The following LRRC17 variants were observed in gnomAD, a reference collection of about 807,000 sequenced individuals.
LRRC17 encodes the protein leucine rich repeat containing 17, also known as leucine-rich repeat-containing protein 17.
Under a neutral mutation model 41.5 loss-of-function variants are expected in LRRC17, and 33 were observed. The ratio of observed to expected loss-of-function variants is 0.80; its 90% confidence interval spans 0.60 to 1.06. The LOEUF is 1.06. Among genes scored for constraint, LRRC17 ranks in the 50% least tolerant of loss-of-function variants. The probability of loss-of-function intolerance (pLI) is 0.00; values close to 1 mark genes in which losing one functional copy is unlikely to be tolerated. For missense variants in LRRC17, 491 were observed against 519.3 expected, an observed-to-expected ratio of 0.95 and a Z score of 0.53; for synonymous variants, 192 against 197.0, an observed-to-expected ratio of 0.97 and a Z score of 0.21.
At chr7:102,920,975 A>G (rs1429479825) in intron 1 of LRRC17, among the ~76,000 whole-genome samples, 1 of 151,978 alleles carries the variant, frequency 6.6e-6, no homozygotes, top group East Asian at 1.9e-4. Context: ...AACATGATGA[A>G]ACCCTGTCGC....
chr7:102,941,367 C>A (rs1221531293), intron 3 of LRRC17, among the ~76,000 whole-genome samples: 2 of 152,086 alleles, frequency 1.3e-5, no homozygotes, highest in Non-Finnish European at 2.9e-5. Flanking sequence ...CTCACTTCGA[C>A]CCCCTATGAT....
At chr7:102,940,784 G>A (rs1339789877) in intron 3 of LRRC17, among the ~76,000 whole-genome samples, 1 of 152,188 alleles carries the variant, frequency 6.6e-6, no homozygotes, top group Non-Finnish European at 1.5e-5. Context: ...GATTTGGAAA[G>A]AACTGAGAAT....
rs745668314 is a variant in LRRC17 at position 102,944,545 on chromosome 7, G to GA, written c.1272dup (p.His425ThrfsTer2). 20 of 1,608,904 alleles carry GA rather than the reference G, an allele frequency of 1.2e-5. No individual in the cohort carries two copies. Among genetic ancestry groups the GA allele is most frequent in the Middle Eastern group, 3.3e-4 (2 of 6,048 alleles). ...CCAAGACACAGAAGATGATGAATGG[G>GA]AAAAAAAACATAGAGATCACACCGC... On this transcript the variant is annotated frameshift_variant, in exon 4 of 4. Transcript: ENST00000339431. LOFTEE classifies it high-confidence loss of function.
chr7:102,940,994 T>C (rs1821317893), intron 3 of LRRC17, among the ~76,000 whole-genome samples: 1 of 152,230 alleles, frequency 6.6e-6, no homozygotes, highest in Non-Finnish European at 1.5e-5. Context: ...CATTAGAATT[T>C]TAACACAATA....
At chr7:102,919,344 C>T (rs1350345257) in intron 1 of LRRC17, among the ~76,000 whole-genome samples, 6 of 152,066 alleles carry the variant, frequency 3.9e-5, no homozygotes, top group Admixed American at 3.9e-4. Flanking sequence ...AAAGAGACAA[C>T]TTTGAAGGAC....
chr7:102,919,423 A>G (rs1292569078), intron 1 of LRRC17, among the ~76,000 whole-genome samples: 1 of 152,258 alleles, frequency 6.6e-6, no homozygotes, highest in Non-Finnish European at 1.5e-5. Context: ...GCATTGAAGC[A>G]TTAAGAATAA....
intron 1 of LRRC17, among the ~76,000 whole-genome samples, chr7:102,916,256 G>C (rs1398803866): frequency 1.3e-5 from 2 of 151,974 alleles, no homozygotes; most frequent in African/African-American, 4.8e-5. Flanking sequence ...CAAAGTGCTG[G>C]GATTATAGGC....
Position 102,944,825 on chromosome 7 carries a change from T to C in LRRC17, c.*218T>C, listed in dbSNP as rs4061. ...ATTTGTGGAACAGCATCTGGTGATA[T>C]GCAATTCCACACTGGTAACCTGCAG... On this transcript the variant is annotated 3_prime_UTR_variant, in exon 4 of 4. Coordinates refer to ENST00000339431, the MANE Select transcript of LRRC17 (RefSeq NM_001031692.3). 5,802 of 468,116 alleles carry C rather than the reference T, an allele frequency of 0.012. 48 individuals are homozygous for C. Among genetic ancestry groups the C allele is most frequent in the Middle Eastern group, 0.027 (50 of 1,854 alleles). 29.0% of individuals were successfully genotyped at this position (468,116 alleles called of 1,614,324 possible).
In LRRC17 at chr7:102,934,642, CA is replaced by C; in HGVS notation, c.731del (p.Asn244IlefsTer16). The C allele has an allele frequency of 1.0e-5, 16 of 1,606,110 alleles. No individual in the cohort carries two copies. The highest frequency in any genetic ancestry group is 1.4e-5 in the Non-Finnish European group (16 of 1,177,964). On this transcript the variant is annotated frameshift_variant, in exon 2 of 4. Coordinates refer to ENST00000339431, the MANE Select transcript of LRRC17 (RefSeq NM_001031692.3). LOFTEE classifies it high-confidence loss of function. ...KPEVDSTFCH[N>X]YVFPIQTLDC... ...CTGAGGTGGACTCAACTTTTTGCCACAATTATGTGTTTCCCATACAAACACT... is the reference window on the plus strand; with the variant it reads ...CTGAGGTGGACTCAACTTTTTGCCACATTATGTGTTTCCCATACAAACACT...
At position 102,934,634 on chromosome 7, in the gene LRRC17, T is replaced by C; in HGVS notation, c.721T>C (p.Phe241Leu). ...CATCAAGCCTGAGGTGGACTCAACTTTTTGCCACAATTATGTGTTTCCCAT... is the reference window on the plus strand; with the variant it reads ...CATCAAGCCTGAGGTGGACTCAACTCTTTGCCACAATTATGTGTTTCCCAT... The part of the protein sequence containing the change: ...PVIKPEVDST[F>L]CHNYVFPIQT... The change falls in exon 2 of 4, where the codon TTT (phenylalanine) becomes CTT (leucine). Residue 241 changes from phenylalanine to leucine, a missense_variant. Physicochemically the swap from Phe to Leu is conservative, Grantham distance 22. Transcript: ENST00000339431. 1.2e-6 allele frequency: 2 copies of C among 1,608,124 alleles called. No individual in the cohort carries two copies. The highest frequency in any genetic ancestry group is 1.7e-6 in the Non-Finnish European group (2 of 1,178,518).
intron 3 of LRRC17, among the ~76,000 whole-genome samples, chr7:102,940,775 AT>A (rs1269803589): frequency 3.9e-5 from 6 of 152,200 alleles, no homozygotes; most frequent in African/African-American, 1.4e-4. Context: ...AACACATCGG[AT>A]TTGGAAAGAA....
chr7:102,943,268 C>T (rs1046984072), intron 3 of LRRC17, among the ~76,000 whole-genome samples: 4 of 151,488 alleles, frequency 2.6e-5, no homozygotes, highest in Non-Finnish European at 4.4e-5. Flanking sequence ...CTGCACTTGT[C>T]TTACATGCGA....
chr7:102,927,918 T>C (rs948895815), intron 1 of LRRC17, among the ~76,000 whole-genome samples: 1 of 152,206 alleles, frequency 6.6e-6, no homozygotes, highest in African/African-American at 2.4e-5. Context: ...ATCAAAGTGA[T>C]TATACACTTG....
intron 1 of LRRC17, chr7:102,931,835 A>G: frequency 6.4e-7 from 1 of 1,568,316 alleles, no homozygotes; most frequent in South Asian, 1.1e-5. Flanking sequence ...CCAATGTAGC[A>G]AGTCAATCTA....
chr7:102,944,576 A>G lies in LRRC17; in HGVS notation c.1295A>G (p.Lys432Arg). Reference sequence around the variant, plus strand: ...AAACATAGAGATCACACCGCAAAGAAGCAAAGCGTAATAATTACTATAGTA... The same window carrying G: ...AAACATAGAGATCACACCGCAAAGAGGCAAAGCGTAATAATTACTATAGTA... ...EKKHRDHTAKKQSVIITIVG is the reference protein window; with the variant it reads ...EKKHRDHTAKRQSVIITIVG The change falls in exon 4 of 4, where the codon AAG becomes AGG. Residue 432 changes from lysine to arginine, a missense_variant. By Grantham distance (26) the Lys-to-Arg change is conservative. Transcript: ENST00000339431. 1.2e-6 allele frequency: 2 copies of G among 1,610,154 alleles called. No individual in the cohort carries two copies.
At chr7:102,917,829 T>C (rs1816203902) in intron 1 of LRRC17, among the ~76,000 whole-genome samples, 3 of 151,948 alleles carry the variant, frequency 2.0e-5, no homozygotes, top group Admixed American at 1.3e-4. Context: ...GTGCTGAGAG[T>C]GCCACCTAGG....
At chr7:102,915,060 T>C (rs1815561235) in intron 1 of LRRC17, among the ~76,000 whole-genome samples, 1 of 152,130 alleles carries the variant, frequency 6.6e-6, no homozygotes. Flanking sequence ...GCCCTGACAC[T>C]TACTGCAACC....
chr7:102,919,873 G>C (rs924137729), intron 1 of LRRC17, among the ~76,000 whole-genome samples: 3 of 152,096 alleles, frequency 2.0e-5, no homozygotes, highest in Non-Finnish European at 4.4e-5. Context: ...AAAGGCTAAA[G>C]AATAAGTAAG....
chr7:102,926,489 G>T, intron 1 of LRRC17: 1 of 729,206 alleles, frequency 1.4e-6, no homozygotes, highest in Non-Finnish European at 2.2e-6. Context: ...GTAAGAGTTG[G>T]TTTCTTCATA....
Sources: gnomAD v4.1 joint callset for allele counts (sites outside exome capture counted in the v4.1 genomes callset) on GRCh38, gnomAD v4.1.1 for gene constraint, MANE v1.5 for transcripts, NCBI Gene and HGNC (gene_info 2026-07-23, HGNC 2026-07-21) for gene names.